Variants in MCCC1 observed in about 807,000 individuals in gnomAD.
MCCC1 encodes the protein methylcrotonoyl-CoA carboxylase subunit alpha, mitochondrial.
In MCCC1, 64 loss-of-function variants were observed where a neutral mutation model predicts 83.8. The ratio of observed to expected loss-of-function variants is 0.76; its 90% CI spans 0.62 to 0.94. The LOEUF (loss-of-function observed/expected upper bound fraction) is 0.94. MCCC1 is among the 40% of genes least tolerant of loss of function. MCCC1 has a pLI of 0.00. For synonymous variants in MCCC1, 322 were observed against 315.4 expected (o/e 1.02, Z -0.22); for missense variants, 807 against 904.7 (o/e 0.89, Z 1.39).
At chr3:183,110,880 A>C (rs1577385821) in intron 1 of MCCC1, among the ~76,000 whole-genome samples, 1 of 152,146 alleles carries the variant, frequency 6.6e-6, no homozygotes, top group Non-Finnish European at 1.5e-5. Flanking sequence ...TCACAGCACC[A>C]TTTATTGAAT....
At position 183,037,527 on chromosome 3, in the gene MCCC1, G is replaced by A. The variant is rs1020689388; in HGVS notation, c.1378-93C>T. 5.7e-6 allele frequency: 6 copies of A among 1,055,968 alleles called. No homozygotes were observed. The South Asian group carries it at 8.0e-5, about 14-fold the overall frequency. 65.4% of individuals were successfully genotyped at this position (1,055,968 alleles called of 1,614,324 possible). ...TCTTTTTATCTAAGTATTTTCTACT[G>A]TGAACAACTCTTAGGAAAAATAAAA... On this transcript the variant is annotated intron_variant, in intron 12 of 18. Transcript: ENST00000265594.
chr3:183,027,483 T>C (rs1193128022), intron 14 of MCCC1, among the ~76,000 whole-genome samples: 1 of 152,156 alleles, frequency 6.6e-6, no homozygotes, highest in Admixed American at 6.5e-5. Flanking sequence ...TGAAGGAAGT[T>C]AAAAGTGCTT....
At chr3:183,087,132 T>C (rs921343246) in intron 3 of MCCC1, among the ~76,000 whole-genome samples, 1 of 152,192 alleles carries the variant, frequency 6.6e-6, no homozygotes, top group African/African-American at 2.4e-5. Context: ...CAAAAATTTA[T>C]ATTTGATAAT....
At position 183,092,457 on chromosome 3, in the gene MCCC1, AGTCT is replaced by A. The variant is rs2108565864; in HGVS notation, c.221_224del (p.Gln74LeufsTer15). ...TGTCAGCCTCACTATAAACCGCCACAGTCTGTACACCCAGTTTTTTGGCTGTGCG... is the reference window on the plus strand; with the variant it reads ...TGTCAGCCTCACTATAAACCGCCACAGTACACCCAGTTTTTTGGCTGTGCG... On this transcript the variant is annotated frameshift_variant, in exon 3 of 19. Coordinates refer to ENST00000265594, the MANE Select transcript of MCCC1 (RefSeq NM_020166.5). LOFTEE classifies it high-confidence loss of function. 6.2e-7 allele frequency: 1 copy of A among 1,614,220 alleles called. No homozygotes were observed. Among genetic ancestry groups the A allele is most frequent in the Non-Finnish European group, 8.5e-7 (1 of 1,180,032 alleles).
At chr3:183,022,051 T>C (rs949426228) in intron 16 of MCCC1, among the ~76,000 whole-genome samples, 1 of 152,078 alleles carries the variant, frequency 6.6e-6, no homozygotes, top group Non-Finnish European at 1.5e-5. Flanking sequence ...ATCACCAGGA[T>C]TCCAGTTGTC....
intron 13 of MCCC1, among the ~76,000 whole-genome samples, chr3:183,034,438 G>C (rs1048385975): frequency 1.6e-5 from 2 of 125,838 alleles, no homozygotes; most frequent in Admixed American, 1.0e-4. Flanking sequence ...CTGGGCGACA[G>C]AGCAAGACTC....
At chr3:183,106,419 A>C (rs1361605915) in intron 1 of MCCC1, among the ~76,000 whole-genome samples, 1 of 152,124 alleles carries the variant, frequency 6.6e-6, no homozygotes, top group Non-Finnish European at 1.5e-5. Context: ...TATAACTTCA[A>C]ACTTACAGAA....
upstream of MCCC1, among the ~76,000 whole-genome samples, chr3:183,100,730 T>C (rs961111222): frequency 1.3e-5 from 2 of 152,250 alleles, no homozygotes; most frequent in Non-Finnish European, 2.9e-5. Flanking sequence ...TGTGACAGCG[T>C]GCTGGCAGTC....
intron 1 of MCCC1, among the ~76,000 whole-genome samples, chr3:183,097,773 CT>C (rs1718847597): frequency 6.6e-6 from 1 of 152,114 alleles, no homozygotes; most frequent in Non-Finnish European, 1.5e-5. Flanking sequence ...GAGGATAGTT[CT>C]TTAGACAATA....
upstream of MCCC1, among the ~76,000 whole-genome samples, chr3:183,101,016 G>A (rs1418285061): frequency 6.6e-6 from 1 of 152,252 alleles, no homozygotes; most frequent in African/African-American, 2.4e-5. Flanking sequence ...TGCTGACCCC[G>A]GGCAATGGGG....
At chr3:183,017,683 A>T in intron 17 of MCCC1, 1 of 311,242 alleles carries the variant, frequency 3.2e-6, no homozygotes, top group East Asian at 7.9e-5. Context: ...CTACAGGTCA[A>T]ATGCACTGGT....
rs778741620 is a variant in MCCC1 at position 183,099,347 on chromosome 3, CCCA to C, written c.89+2_89+4del. The C allele has an allele frequency of 6.3e-7, 1 of 1,593,736 alleles. No individual in the cohort carries two copies. The highest frequency in any genetic ancestry group is 1.1e-5 in the South Asian group (1 of 88,402). ...TGCCCACTGAGCCATGGCCCCTCCA[CCCA>C]CCTCGGCGGCAGGAGCAGGCTCGGG... is the stretch of plus-strand genomic sequence containing the variant. On this transcript the variant is annotated splice_donor_variant and splice_donor_region_variant and intron_variant, in intron 1 of 18. Coordinates refer to ENST00000265594, the MANE Select transcript of MCCC1 (RefSeq NM_020166.5). LOFTEE classifies it high-confidence loss of function.
chr3:183,065,688 T>A (rs1299126479), intron 7 of MCCC1, among the ~76,000 whole-genome samples: 4 of 152,176 alleles, frequency 2.6e-5, no homozygotes, highest in African/African-American at 9.7e-5. Context: ...AATAAGATAA[T>A]GCTTAAGGTT....
rs569360692 is a variant in MCCC1 at position 183,045,336 on chromosome 3, T to C, written c.1083+77A>G. The C allele has an allele frequency of 4.4e-6, 7 of 1,577,504 alleles. No homozygotes were observed. In the East Asian group the frequency reaches 1.4e-4, roughly 31 times the overall value. On this transcript the variant is annotated intron_variant, in intron 10 of 18. Transcript: ENST00000265594. ...CTCAGGTGATCCACCTGCCTTGGCCTGCCAAAGTGCTGGGACTACAGGCTT... is the reference window on the plus strand; with the variant it reads ...CTCAGGTGATCCACCTGCCTTGGCCCGCCAAAGTGCTGGGACTACAGGCTT...
Position 183,035,522 on chromosome 3 carries a change from G to A in MCCC1, c.1595-1445C>T, listed in dbSNP as rs1326891213. Among the ~76,000 whole-genome samples the A allele has an allele frequency of 4.2e-5, 4 of 94,748 alleles. No homozygotes were observed. The South Asian group carries it at 1.3e-3, about 31-fold the overall frequency. 62.2% of individuals were successfully genotyped at this position (94,748 alleles called of 152,430 possible). On this transcript the variant is annotated intron_variant, in intron 13 of 18. Transcript: ENST00000265594. ...ATTTCAGATTTTTTTTTTTTTTTTT[G>A]GATTTTGGATTATTTGCATTATATT...
intron 7 of MCCC1, among the ~76,000 whole-genome samples, chr3:183,058,839 A>G (rs1210799989): frequency 6.6e-6 from 1 of 152,230 alleles, no homozygotes; most frequent in East Asian, 1.9e-4. Context: ...ATAATACGCC[A>G]TAATACAGAA....
intron 4 of MCCC1, among the ~76,000 whole-genome samples, chr3:183,079,808 C>T (rs999257101): frequency 2.6e-5 from 4 of 152,192 alleles, no homozygotes; most frequent in African/African-American, 9.6e-5. Flanking sequence ...CCAGGAGTTT[C>T]CATACATCCT....
chr3:183,063,327 T>C (rs1178868302), intron 7 of MCCC1, among the ~76,000 whole-genome samples: 1 of 97,272 alleles, frequency 1.0e-5, no homozygotes, highest in East Asian at 3.5e-4. Flanking sequence ...ATATATGAAC[T>C]GAGGAAGAAA....
At chr3:183,058,492 C>T (rs1211344760) in intron 7 of MCCC1, among the ~76,000 whole-genome samples, 2 of 152,016 alleles carry the variant, frequency 1.3e-5, no homozygotes, top group African/African-American at 2.4e-5. Context: ...CATGGTGGTA[C>T]ATGCCTGTAG....
Sources: allele counts gnomAD v4.1 joint callset (sites outside exome capture counted in the v4.1 genomes callset), GRCh38; gene constraint gnomAD v4.1.1; transcripts MANE v1.5; gene names NCBI Gene and HGNC (gene_info 2026-07-23, HGNC 2026-07-21).